The following FAAH2 variants were observed in gnomAD, a reference collection of about 807,000 sequenced individuals.
FAAH2 encodes fatty acid amide hydrolase 2, also known as fatty-acid amide hydrolase 2.
FAAH2 carries 60 observed loss-of-function variants against 36.9 expected under a neutral mutation model. The ratio of observed to expected loss-of-function variants is 1.63; its 90% CI spans 1.32 to 2.02. FAAH2 has a LOEUF of 2.02. FAAH2 is among the 30% of genes most tolerant of loss of function. The probability of loss-of-function intolerance (pLI) is 0.00; values close to 1 mark genes in which losing one functional copy is unlikely to be tolerated. For missense variants in FAAH2, 689 were observed against 397.5 expected, an observed-to-expected ratio of 1.73 and a Z score of -6.23; for synonymous variants, 214 against 143.8, an observed-to-expected ratio of 1.49 and a Z score of -3.49.
At chrX:57,260,705 G>A in the FAAH2 span, among the ~76,000 whole-genome samples, 1 of 111,510 alleles carries the variant, frequency 9.0e-6, no homozygotes, top group African/African-American at 3.3e-5. Flanking sequence ...AATTAGAAAT[G>A]AGTGAAAAAT....
At chrX:57,404,985 A>T (rs1321906122) in intron 7 of FAAH2, among the ~76,000 whole-genome samples, 1 of 111,082 alleles carries the variant, frequency 9.0e-6, no homozygotes, top group African/African-American at 3.3e-5. Context: ...GCAGACCAAC[A>T]CTCCCAACAC....
chrX:57,480,200 C>G (rs1279075783), intron 10 of FAAH2, among the ~76,000 whole-genome samples: 1 of 111,485 alleles, frequency 9.0e-6, no homozygotes, highest in African/African-American at 3.3e-5. Flanking sequence ...GGAACTGGTA[C>G]CATTCCTTCT....
chrX:57,274,166 T>C, the FAAH2 span, among the ~76,000 whole-genome samples: 1 of 111,669 alleles, frequency 9.0e-6, no homozygotes, highest in Non-Finnish European at 1.9e-5. Context: ...CTAGAAGAAA[T>C]GGATAAATCC....
At chrX:57,419,576 TC>T (rs2147067800) in intron 7 of FAAH2, among the ~76,000 whole-genome samples, 1 of 112,007 alleles carries the variant, frequency 8.9e-6, no homozygotes, top group East Asian at 2.8e-4. Context: ...TTTGTTTTTT[TC>T]TTGTAAATTT....
intron 2 of FAAH2, among the ~76,000 whole-genome samples, chrX:57,295,116 C>G (rs1467033480): frequency 9.9e-5 from 11 of 111,621 alleles, no homozygotes; most frequent in Non-Finnish European, 1.9e-5. Flanking sequence ...TGCCTGGCTG[C>G]TGCTTCTACC....
chrX:57,398,035 C>CT (rs928115681), intron 7 of FAAH2, among the ~76,000 whole-genome samples: 38 of 111,441 alleles, frequency 3.4e-4, no homozygotes, highest in African/African-American at 1.1e-3. Flanking sequence ...ATGAACTCAT[C>CT]TTTTTTATGG....
chrX:57,137,828 A>C, the FAAH2 span, among the ~76,000 whole-genome samples: 1 of 111,828 alleles, frequency 8.9e-6, no homozygotes, highest in Non-Finnish European at 1.9e-5. Flanking sequence ...ACATTTATGG[A>C]GACATGAATC....
chrX:57,140,964 C>G, the FAAH2 span, among the ~76,000 whole-genome samples: 2 of 111,758 alleles, frequency 1.8e-5, no homozygotes, highest in Non-Finnish European at 3.8e-5. Context: ...ACATGTACCC[C>G]ATGAAACTAA....
chrX:57,182,995 GAC>G, the FAAH2 span, among the ~76,000 whole-genome samples: 20 of 108,121 alleles, frequency 1.8e-4, no homozygotes, highest in African/African-American at 5.4e-4. Flanking sequence ...AAATGATGAG[GAC>G]ACACACACAC....
At chrX:57,430,682 C>G (rs2056274343) in intron 7 of FAAH2, among the ~76,000 whole-genome samples, 1 of 112,096 alleles carries the variant, frequency 8.9e-6, no homozygotes, top group African/African-American at 3.2e-5. Flanking sequence ...TTTGACTCTT[C>G]TGCTTATGTA....
intron 5 of FAAH2, among the ~76,000 whole-genome samples, chrX:57,362,252 A>G (rs1431504388): frequency 9.0e-6 from 1 of 111,327 alleles, no homozygotes; most frequent in African/African-American, 3.3e-5. Context: ...TAACAGAAGA[A>G]CAGAAAACCA....
intron 7 of FAAH2, among the ~76,000 whole-genome samples, chrX:57,409,145 G>A (rs2055637802): frequency 9.0e-6 from 1 of 111,031 alleles, no homozygotes; most frequent in South Asian, 3.7e-4. Flanking sequence ...AAATAATACT[G>A]GTATTATAAT....
chrX:57,458,733 G>T (rs935890894), intron 10 of FAAH2, among the ~76,000 whole-genome samples: 3 of 111,635 alleles, frequency 2.7e-5, no homozygotes, highest in African/African-American at 6.5e-5. Flanking sequence ...TGCAAGGAGT[G>T]GGGGCCTCCG....
chrX:57,461,288 C>G (rs1338018813), intron 10 of FAAH2, among the ~76,000 whole-genome samples: 2 of 111,643 alleles, frequency 1.8e-5, no homozygotes, highest in African/African-American at 6.5e-5. Flanking sequence ...TTGAACTCAG[C>G]TCTGAACCAA....
At chrX:57,353,387 TA>T (rs2054076385) in intron 5 of FAAH2, among the ~76,000 whole-genome samples, 1 of 106,739 alleles carries the variant, frequency 9.4e-6, no homozygotes, top group South Asian at 4.0e-4. Context: ...GAAAATTGGA[TA>T]GTCATATATA....
At chrX:57,148,101 G>A in the FAAH2 span, among the ~76,000 whole-genome samples, 1 of 110,310 alleles carries the variant, frequency 9.1e-6, no homozygotes, top group African/African-American at 3.4e-5. Flanking sequence ...TGGGGGCTCT[G>A]TTCTGTTTCA....
At chrX:57,178,782 G>A in the FAAH2 span, among the ~76,000 whole-genome samples, 1 of 111,877 alleles carries the variant, frequency 8.9e-6, no homozygotes, top group African/African-American at 3.2e-5. Flanking sequence ...GACAAGACAG[G>A]TCTCACACAA....
the FAAH2 span, among the ~76,000 whole-genome samples, chrX:57,197,688 G>A: frequency 9.0e-6 from 1 of 111,633 alleles, no homozygotes; most frequent in Non-Finnish European, 1.9e-5. Flanking sequence ...GTTCCAGGCT[G>A]ATACAGAGGA....
At chrX:57,293,139 C>A (rs150531276) in intron 2 of FAAH2, among the ~76,000 whole-genome samples, 153 of 111,063 alleles carry the variant, frequency 1.4e-3, no homozygotes, top group African/African-American at 4.5e-3. Flanking sequence ...ACATAGGGTG[C>A]CATCGTGTAG....
Sources: gnomAD v4.1 joint callset for allele counts (sites outside exome capture counted in the v4.1 genomes callset) on GRCh38, gnomAD v4.1.1 for gene constraint, MANE v1.5 for transcripts, NCBI Gene and HGNC (gene_info 2026-07-23, HGNC 2026-07-21) for gene names.